TNFSF13B: variants seen among roughly 807,000 people sequenced by gnomAD.
TNFSF13B encodes the protein tumor necrosis factor ligand superfamily member 13B.
In TNFSF13B, 8 loss-of-function variants were observed where a neutral mutation model predicts 29.1. That is an observed-to-expected ratio of 0.27 (90% CI 0.16 to 0.50). The LOEUF is 0.50. TNFSF13B is among the 20% of genes least tolerant of loss of function. TNFSF13B has a pLI of 0.98. For missense variants in TNFSF13B, 248 were observed against 334.9 expected, an observed-to-expected ratio of 0.74 and a Z score of 2.03; for synonymous variants, 125 against 130.8, an observed-to-expected ratio of 0.96 and a Z score of 0.30.
intron 3 of TNFSF13B, among the ~76,000 whole-genome samples, chr13:108,300,000 T>A (rs1334269325): frequency 1.3e-5 from 2 of 152,176 alleles, no homozygotes; most frequent in Non-Finnish European, 2.9e-5. Flanking sequence ...TTTATACATA[T>A]AAATTTAATG....
chr13:108,282,483 C>T (rs2139050194), intron 2 of TNFSF13B, among the ~76,000 whole-genome samples: 1 of 152,180 alleles, frequency 6.6e-6, no homozygotes, highest in East Asian at 1.9e-4. Context: ...CAAAAGGTGG[C>T]CTTTCAAACT....
intron 3 of TNFSF13B, among the ~76,000 whole-genome samples, chr13:108,294,099 C>G (rs562914417): frequency 5.3e-5 from 8 of 151,940 alleles, no homozygotes; most frequent in African/African-American, 1.9e-4. Context: ...TGAAACACAA[C>G]AGATTTTTGA....
chr13:108,283,790 T>A (rs1350145688), intron 2 of TNFSF13B, among the ~76,000 whole-genome samples: 1 of 152,194 alleles, frequency 6.6e-6, no homozygotes, highest in Non-Finnish European at 1.5e-5. Context: ...TTGTAGATGA[T>A]GCCTCCTCAC....
chr13:108,306,868 T>C lies in TNFSF13B; in HGVS notation c.788T>C (p.Ile263Thr). The C allele has an allele frequency of 1.2e-6, 2 of 1,611,478 alleles. No homozygotes were observed. The highest frequency in any genetic ancestry group is 1.7e-6 in the Non-Finnish European group (2 of 1,178,502). The change falls in exon 6 of 6, where the codon ATA (isoleucine) becomes ACA (threonine). Residue 263 changes from isoleucine (I) to threonine (T), a missense_variant. By Grantham distance (89) the Ile-to-Thr change is moderately conservative (BLOSUM62 -1). Around this residue, in one of 2 missense-constraint regions of TNFSF13B, gnomAD observed 62 missense variants for 138.6 expected, o/e 0.45. Coordinates refer to ENST00000375887, the MANE Select transcript of TNFSF13B (RefSeq NM_006573.5). ...GAAGGAGATGAACTCCAACTTGCAA[T>C]ACCAAGAGAAAATGCACAAATATCA... ...LEEGDELQLAIPRENAQISLD... is the reference protein window; with the variant it reads ...LEEGDELQLATPRENAQISLD...
chr13:108,307,818 C>T lies in TNFSF13B; in HGVS notation c.*880C>T, dbSNP rs1881821901. 6.6e-6 allele frequency: 1 copy of T among 152,042 alleles called. No homozygotes were observed. Among genetic ancestry groups the T allele is most frequent in the Non-Finnish European group, 1.5e-5 (1 of 67,956 alleles). 9.4% of individuals were successfully genotyped at this position (152,042 alleles called of 1,614,324 possible). On this transcript the variant is annotated 3_prime_UTR_variant, in exon 6 of 6. Coordinates refer to ENST00000375887, the MANE Select transcript of TNFSF13B (RefSeq NM_006573.5). ...ATGTAATTTCCCTTTATTTCTTGCT[C>T]TTCTGTTTCAAACTGCTGCTATTGT...
At chr13:108,270,878 C>G (rs560529685) in intron 2 of TNFSF13B, among the ~76,000 whole-genome samples, 6 of 152,094 alleles carry the variant, frequency 3.9e-5, no homozygotes, top group African/African-American at 4.8e-5. Context: ...TGTTGTGAAA[C>G]CAGGTGAAGG....
At chr13:108,272,287 T>C (rs1018771393) in intron 2 of TNFSF13B, among the ~76,000 whole-genome samples, 5 of 152,144 alleles carry the variant, frequency 3.3e-5, no homozygotes, top group Admixed American at 2.6e-4. Flanking sequence ...TAATTAGACA[T>C]ATTGATAATT....
At chr13:108,285,811 A>G (rs547206504) in intron 2 of TNFSF13B, among the ~76,000 whole-genome samples, 48 of 152,330 alleles carry the variant, frequency 3.2e-4, no homozygotes, top group Non-Finnish European at 3.5e-4. Context: ...TATTTGGTAG[A>G]TAAAAAACTA....
Position 108,280,315 on chromosome 13 carries a change from A to G in TNFSF13B, c.425-6488A>G, listed in dbSNP as rs574323783. Among the ~76,000 whole-genome samples, 3 of 152,316 alleles carry G rather than the reference A, an allele frequency of 2.0e-5. No homozygotes were observed. In the East Asian group the frequency reaches 5.8e-4, roughly 29 times the overall value. Reference sequence around the variant, plus strand: ...TATATATCCACTCAGAGAGAAAATAAGTATGCATGAGAAAGATAAAGCATT... The same window carrying G: ...TATATATCCACTCAGAGAGAAAATAGGTATGCATGAGAAAGATAAAGCATT... On this transcript the variant is annotated intron_variant, in intron 2 of 5. Coordinates refer to ENST00000375887, the MANE Select transcript of TNFSF13B (RefSeq NM_006573.5).
At chr13:108,281,319 A>G (rs918049330) in intron 2 of TNFSF13B, among the ~76,000 whole-genome samples, 1 of 152,100 alleles carries the variant, frequency 6.6e-6, no homozygotes, top group Non-Finnish European at 1.5e-5. Context: ...GGTTTTTTCT[A>G]TTCTATCAAC....
chr13:108,284,849 G>T (rs781779914), intron 2 of TNFSF13B, among the ~76,000 whole-genome samples: 1 of 152,162 alleles, frequency 6.6e-6, no homozygotes, highest in Non-Finnish European at 1.5e-5. Context: ...TTTTAAAATA[G>T]GTTGAATGTG....
At chr13:108,290,855 T>C (rs1881285519) in intron 3 of TNFSF13B, among the ~76,000 whole-genome samples, 1 of 152,046 alleles carries the variant, frequency 6.6e-6, no homozygotes. Flanking sequence ...AAAGATCTCG[T>C]GTTCCTTCTG....
At chr13:108,289,869 A>C (rs1881257309) in intron 3 of TNFSF13B, among the ~76,000 whole-genome samples, 1 of 152,018 alleles carries the variant, frequency 6.6e-6, no homozygotes, top group Non-Finnish European at 1.5e-5. Flanking sequence ...GGGGTTTATC[A>C]GAGTGTAGTC....
At position 108,280,655 on chromosome 13, in the gene TNFSF13B, C is replaced by G. The variant is rs902642037; in HGVS notation, c.425-6148C>G. 2.0e-5 allele frequency among the ~76,000 whole-genome samples: 3 copies of G among 149,750 alleles called. No homozygotes were observed. In the East Asian group the frequency reaches 5.8e-4, roughly 29 times the overall value. On this transcript the variant is annotated intron_variant, in intron 2 of 5. Coordinates refer to ENST00000375887, the MANE Select transcript of TNFSF13B (RefSeq NM_006573.5). Reference sequence around the variant, plus strand: ...GATGATGATTCAAGTATAAAATTATCAATTTAAAATTAAAATATTAGATGA... The same window carrying G: ...GATGATGATTCAAGTATAAAATTATGAATTTAAAATTAAAATATTAGATGA...
intron 5 of TNFSF13B, 94 bp from the exon 6 acceptor site, chr13:108,306,732 A>ATTTTT: frequency 1.7e-6 from 1 of 586,352 alleles, no homozygotes. Flanking sequence ...CTATGTTAAC[A>ATTTTT]TTTTTTTTTT....
chr13:108,283,741 C>T (rs1881031360), intron 2 of TNFSF13B, among the ~76,000 whole-genome samples: 1 of 152,168 alleles, frequency 6.6e-6, no homozygotes. Context: ...ACCAAGATGC[C>T]TAAAGATTTC....
chr13:108,274,563 A>T (rs1880714571), intron 2 of TNFSF13B, among the ~76,000 whole-genome samples: 1 of 152,074 alleles, frequency 6.6e-6, no homozygotes, highest in Non-Finnish European at 1.5e-5. Flanking sequence ...GTTGTTCTAG[A>T]TACTATTCTT....
In TNFSF13B at chr13:108,304,483, CT is replaced by C. The variant is rs200510499; in HGVS notation, c.745+882del. On this transcript the variant is annotated intron_variant, in intron 5 of 5. Coordinates refer to ENST00000375887, the MANE Select transcript of TNFSF13B (RefSeq NM_006573.5). Reference sequence around the variant, plus strand: ...CAGAGAGCACGGCAGATCTTGTAAACTTTAGGTCTGTTTCAGCTGTAATTGC... The same window carrying C: ...CAGAGAGCACGGCAGATCTTGTAAACTTAGGTCTGTTTCAGCTGTAATTGC... Among the ~76,000 whole-genome samples the C allele has an allele frequency of 7.1e-3, 1,076 of 152,284 alleles. 9 individuals carry two copies. Among genetic ancestry groups the C allele is most frequent in the Non-Finnish European group, 9.7e-3 (657 of 68,012 alleles).
intron 2 of TNFSF13B, 26 bp from the exon 3 acceptor site, chr13:108,286,777 T>G: frequency 1.3e-6 from 2 of 1,526,374 alleles, no homozygotes; most frequent in Non-Finnish European, 1.8e-6. Context: ...CTCAAGTAAC[T>G]AAAATGATAA....
Sources: allele counts gnomAD v4.1 joint callset (sites outside exome capture counted in the v4.1 genomes callset), GRCh38; gene constraint gnomAD v4.1.1; regional missense constraint gnomAD v4.1.1; transcripts MANE v1.5; gene names NCBI Gene and HGNC (gene_info 2026-07-23, HGNC 2026-07-21).